ABCB11: variants seen among roughly 807,000 people sequenced by gnomAD.
ABCB11 encodes the protein bile salt export pump.
In ABCB11, 95 loss-of-function variants were observed where a neutral mutation model predicts 148.0. The observed-to-expected ratio is 0.64, with a 90% CI of 0.54 to 0.76. The LOEUF (loss-of-function observed/expected upper bound fraction) is 0.76. ABCB11 is among the 30% of genes least tolerant of loss of function. ABCB11 has a pLI of 0.00. For synonymous variants in ABCB11, 591 were observed against 555.4 expected, an observed-to-expected ratio of 1.06 and a Z score of -0.90; for missense variants, 1,523 against 1,617.8, an observed-to-expected ratio of 0.94 and a Z score of 1.01.
At chr2:169,007,386 A>C (rs879158931) in intron 5 of ABCB11, among the ~76,000 whole-genome samples, 3 of 152,200 alleles carry the variant, frequency 2.0e-5, no homozygotes, top group Admixed American at 2.0e-4. Flanking sequence ...GTATTAGTTC[A>C]TCTCACACTG....
intron 4 of ABCB11, 80 bp from the exon 5 acceptor site, chr2:169,013,590 A>T (rs1573978920): frequency 1.7e-6 from 2 of 1,148,564 alleles, no homozygotes; most frequent in South Asian, 3.0e-5. Flanking sequence ...TAGTTACTAG[A>T]TTCTCATGAA....
rs12612685 is a variant in ABCB11, at chr2:169,021,770, G to A, written c.-27-3618C>T. ...TTAATTATAATTGTAACACAATGTC[G>A]ATAGATTTTCATGACAAATTTCATT... On this transcript the variant is annotated intron_variant, in intron 1 of 27. Transcript: ENST00000650372. Among the ~76,000 whole-genome samples the A allele has an allele frequency of 0.015, 2,244 of 151,950 alleles. 241 individuals carry two copies. The East Asian group carries it at 0.29, about 20-fold the overall frequency.
chr2:168,922,854 C>T lies in ABCB11; in HGVS notation c.*768G>A, dbSNP rs1691131949. 1 of 152,148 alleles carries T rather than the reference C, an allele frequency of 6.6e-6. No homozygotes were observed. The highest frequency in any genetic ancestry group is 2.4e-5 in the African/African-American group (1 of 41,426). 9.4% of individuals were successfully genotyped at this position (152,148 alleles called of 1,614,324 possible). A position where few individuals can be genotyped will look rare whatever the true frequency, so the allele number is the denominator to read the frequency against. On this transcript the variant is annotated 3_prime_UTR_variant, in exon 28 of 28. Coordinates refer to ENST00000650372, the MANE Select transcript of ABCB11 (RefSeq NM_003742.4). ...TTTCACAGAAACTAAAAACAACAAT[C>T]AGTATGCAGGGAGGTGCTGAGGAGT...
intron 17 of ABCB11, among the ~76,000 whole-genome samples, chr2:168,966,442 G>A (rs781737280): frequency 2.3e-4 from 35 of 151,772 alleles, no homozygotes; most frequent in Non-Finnish European, 3.2e-4. Flanking sequence ...TGAGGCCATG[G>A]GCAGTGCATG....
intron 10 of ABCB11, among the ~76,000 whole-genome samples, chr2:168,982,803 G>C (rs7605296): frequency 0.022 from 3,414 of 152,174 alleles, 124 homozygotes; most frequent in African/African-American, 0.077. Flanking sequence ...AGAGAGAAGA[G>C]AGAGAGAGAG....
rs78308185 is a variant in ABCB11 at position 168,998,536 on chromosome 2, C to T, written c.390-1814G>A. Among the ~76,000 whole-genome samples, 905 of 152,170 alleles carry T rather than the reference C, an allele frequency of 5.9e-3. 14 individuals are homozygous for T. Among genetic ancestry groups the T allele is most frequent in the African/African-American group, 0.021 (859 of 41,540 alleles). On this transcript the variant is annotated intron_variant, in intron 5 of 27. Coordinates refer to ENST00000650372, the MANE Select transcript of ABCB11 (RefSeq NM_003742.4). ...TTGATCATTACACATTGTATACATG[C>T]ATCAAAACATCACACTATATCCCAT...
At chr2:169,013,643 T>C in intron 4 of ABCB11, 133 bp from the exon 5 acceptor site, 2 of 653,642 alleles carry the variant, frequency 3.1e-6, no homozygotes, top group Non-Finnish European at 2.6e-6. Context: ...CTTAATTGAG[T>C]GGCAGAGTTC....
intron 2 of ABCB11, among the ~76,000 whole-genome samples, chr2:169,017,600 G>T (rs1695401884): frequency 6.6e-6 from 1 of 152,098 alleles, no homozygotes; most frequent in South Asian, 2.1e-4. Context: ...CATAGGGTTA[G>T]AAAACAATAG....
chr2:169,020,815 G>A (rs951362161), intron 1 of ABCB11, among the ~76,000 whole-genome samples: 12 of 152,032 alleles, frequency 7.9e-5, no homozygotes, highest in Non-Finnish European at 1.5e-4. Context: ...GTTAGATTAT[G>A]GTGATGGTCG....
chr2:168,930,076 T>C (rs1374802228), intron 25 of ABCB11, among the ~76,000 whole-genome samples: 1 of 152,080 alleles, frequency 6.6e-6, no homozygotes, highest in East Asian at 1.9e-4. Flanking sequence ...CTTCTGCATA[T>C]ATTACTTTTA....
chr2:168,962,285 T>A (rs1348168067), intron 18 of ABCB11, among the ~76,000 whole-genome samples: 1 of 151,746 alleles, frequency 6.6e-6, no homozygotes, highest in Non-Finnish European at 1.5e-5. Flanking sequence ...CTGGCCTACA[T>A]ATAACTGAGT....
At chr2:168,963,989 C>A (rs1334935535) in intron 18 of ABCB11, among the ~76,000 whole-genome samples, 1 of 151,744 alleles carries the variant, frequency 6.6e-6, no homozygotes, top group Non-Finnish European at 1.5e-5. Flanking sequence ...GTTTTCATTA[C>A]CTTGTATTCT....
In ABCB11 at chr2:168,983,865, C is replaced by G. The variant is rs550936176; in HGVS notation, c.1083+2245G>C. On this transcript the variant is annotated intron_variant, in intron 10 of 27. Transcript: ENST00000650372. ...TACTTAAGAATTTGATATAAAACGA[C>G]TCCCTATTTACTTGCAGGGCAAATG... Among the ~76,000 whole-genome samples, 8 of 152,242 alleles carry G rather than the reference C, an allele frequency of 5.3e-5. No homozygotes were observed. In the East Asian group the frequency reaches 1.5e-3, roughly 29 times the overall value.
At chr2:168,970,362 C>T in intron 14 of ABCB11, 147 bp from the exon 15 acceptor site, 1 of 1,533,226 alleles carries the variant, frequency 6.5e-7, no homozygotes, top group East Asian at 2.5e-5. Context: ...TATCCCTTCC[C>T]CAGACGGGTT....
At chr2:169,000,815 T>C (rs1464671459) in intron 5 of ABCB11, among the ~76,000 whole-genome samples, 1 of 152,176 alleles carries the variant, frequency 6.6e-6, no homozygotes, top group Non-Finnish European at 1.5e-5. Context: ...ACAAAAAATC[T>C]TGCTTATATT....
In ABCB11 at chr2:168,923,367, G is replaced by A; in HGVS notation, c.*255C>T. On this transcript the variant is annotated 3_prime_UTR_variant, in exon 28 of 28. Coordinates refer to ENST00000650372, the MANE Select transcript of ABCB11 (RefSeq NM_003742.4). ...CTGAGTGGTGGCTGAGCTGCCACTTGACATTGGGTTTTCCCTCATATGGAC... is the reference window on the plus strand; with the variant it reads ...CTGAGTGGTGGCTGAGCTGCCACTTAACATTGGGTTTTCCCTCATATGGAC... 1.8e-6 allele frequency: 1 copy of A among 548,860 alleles called. No homozygotes were observed. Among genetic ancestry groups the A allele is most frequent in the Non-Finnish European group, 3.2e-6 (1 of 308,696 alleles). 34.0% of individuals were successfully genotyped at this position (548,860 alleles called of 1,614,324 possible). A position where few individuals can be genotyped will look rare whatever the true frequency, so the allele number is the denominator to read the frequency against.
At chr2:168,926,908 C>T (rs1025428017) in intron 26 of ABCB11, among the ~76,000 whole-genome samples, 2 of 152,060 alleles carry the variant, frequency 1.3e-5, no homozygotes, top group African/African-American at 4.8e-5. Flanking sequence ...AAGTAAATTC[C>T]TATAATATTT....
At chr2:168,971,747 A>G in intron 14 of ABCB11, 100 bp downstream of exon 14, 2 of 1,126,628 alleles carry the variant, frequency 1.8e-6, no homozygotes, top group East Asian at 4.8e-5. Flanking sequence ...TAAGAATTTA[A>G]TGACTTGGGA....
chr2:168,964,353 T>C, intron 17 of ABCB11, 45 bp from the exon 18 acceptor site: 1 of 1,457,774 alleles, frequency 6.9e-7, no homozygotes, highest in Non-Finnish European at 9.4e-7. Context: ...TGTGGCCAGA[T>C]TGGAGCAGGA....
Sources: allele counts gnomAD v4.1 joint callset (sites outside exome capture counted in the v4.1 genomes callset), GRCh38; gene constraint gnomAD v4.1.1; transcripts MANE v1.5; gene names NCBI Gene and HGNC (gene_info 2026-07-23, HGNC 2026-07-21).